Variants in TLN2 observed in about 807,000 individuals in gnomAD.
TLN2 encodes talin-2.
A neutral mutation model predicts 294.7 loss-of-function variants in TLN2; 118 were observed. The ratio of observed to expected loss-of-function variants is 0.40; its 90% CI spans 0.34 to 0.47. TLN2 has a LOEUF of 0.47. Among genes scored for constraint, TLN2 ranks in the 20% least tolerant of loss-of-function variants. The pLI, the probability that TLN2 is intolerant of heterozygous loss-of-function variation, is 0.84. For missense variants in TLN2, 3,083 were observed against 3,282.2 expected, an observed-to-expected ratio of 0.94 and a Z score of 1.48; for synonymous variants, 1,431 against 1,304.5, an observed-to-expected ratio of 1.10 and a Z score of -2.09.
chr15:62,550,134 G>A (rs1411218592), intron 1 of TLN2, among the ~76,000 whole-genome samples: 2 of 152,114 alleles, frequency 1.3e-5, no homozygotes, highest in Middle Eastern at 3.2e-3. Flanking sequence ...GGTCAGAGTG[G>A]TTAAGGAAGG....
chr15:62,405,597 A>G (rs989275639), intron 1 of TLN2, among the ~76,000 whole-genome samples: 11 of 152,148 alleles, frequency 7.2e-5, no homozygotes, highest in Admixed American at 7.2e-4. Context: ...TGAAAGCTGC[A>G]TTTAGTGTGA....
rs114379802 is a variant in TLN2 at position 62,557,438 on chromosome 15, C to T, written c.-237-32249C>T. 9.7e-3 allele frequency among the ~76,000 whole-genome samples: 1,474 copies of T among 152,336 alleles called. 18 individuals are homozygous for T. The highest frequency in any genetic ancestry group is 0.031 in the African/African-American group (1,282 of 41,582). On this transcript the variant is annotated intron_variant, in intron 1 of 58. Transcript: ENST00000636159. ...AGATGTGTGATGTGATAGTGCAGGA[C>T]TCTGGCACTTTTACATGGCAGGGGT...
chr15:62,495,994 T>A (rs1242748591), intron 1 of TLN2, among the ~76,000 whole-genome samples: 1 of 152,194 alleles, frequency 6.6e-6, no homozygotes, highest in African/African-American at 2.4e-5. Context: ...CTGTTTATCT[T>A]CTTTGTGTGC....
intron 1 of TLN2, among the ~76,000 whole-genome samples, chr15:62,456,458 C>T (rs924326198): frequency 2.0e-5 from 3 of 152,140 alleles, no homozygotes; most frequent in African/African-American, 7.2e-5. Flanking sequence ...CCTGGGTGTG[C>T]GTCTTGTGCA....
chr15:62,770,281 A>G (rs2063273907), intron 41 of TLN2, among the ~76,000 whole-genome samples: 1 of 152,232 alleles, frequency 6.6e-6, no homozygotes, highest in Non-Finnish European at 1.5e-5. Context: ...CGCCCGCTAG[A>G]TGTTTGCAAC....
chr15:62,491,355 C>T (rs1420674288), intron 1 of TLN2, among the ~76,000 whole-genome samples: 8,834 of 72,926 alleles, frequency 0.12, 322 homozygotes, highest in Non-Finnish European at 0.15. Context: ...TATATATACA[C>T]ACACACACAC....
At chr15:62,770,674 T>C (rs963928044) in intron 41 of TLN2, among the ~76,000 whole-genome samples, 1 of 152,226 alleles carries the variant, frequency 6.6e-6, no homozygotes, top group Non-Finnish European at 1.5e-5. Context: ...TTTATAGAAA[T>C]TGACAGTTTG....
intron 1 of TLN2, among the ~76,000 whole-genome samples, chr15:62,558,736 A>G (rs1012280250): frequency 2.0e-5 from 3 of 152,068 alleles, no homozygotes; most frequent in African/African-American, 4.8e-5. Context: ...TTGAGCCTCT[A>G]TGGGCAGCAG....
intron 21 of TLN2, among the ~76,000 whole-genome samples, chr15:62,709,143 A>C (rs922170134): frequency 6.6e-6 from 1 of 152,192 alleles, no homozygotes; most frequent in Non-Finnish European, 1.5e-5. Context: ...GAATTTAAGA[A>C]GTTTATTATA....
intron 1 of TLN2, among the ~76,000 whole-genome samples, chr15:62,445,108 G>C (rs1175659804): frequency 6.6e-6 from 1 of 152,162 alleles, no homozygotes; most frequent in African/African-American, 2.4e-5. Flanking sequence ...GGGTCAGGGA[G>C]GCCTTACTGG....
At chr15:62,726,323 G>A (rs373060213) in intron 27 of TLN2, among the ~76,000 whole-genome samples, 1 of 152,160 alleles carries the variant, frequency 6.6e-6, no homozygotes, top group East Asian at 1.9e-4. Context: ...AAAACATGTT[G>A]CAAGGTTTAA....
Position 62,819,540 on chromosome 15 carries a change from T to G in TLN2, c.6796T>G (p.Phe2266Val), listed in dbSNP as rs3816988. Reference protein sequence around the residue: ...LVILQKPTPEFKQQLAAFSKR... With the variant: ...LVILQKPTPEVKQQLAAFSKR... ...GATTCTTCAGAAACCAACCCCAGAA[T>G]TCAAGCAGCAGCTGGCCGCTTTCTC... Residue 2266 changes from phenylalanine to valine, a missense_variant, in exon 53 of 59, where the codon TTC becomes GTC. By Grantham distance (50) the Phe-to-Val change is conservative. Coordinates refer to ENST00000636159, the MANE Select transcript of TLN2 (RefSeq NM_015059.3). 41 of 1,613,982 alleles carry G rather than the reference T, an allele frequency of 2.5e-5. No homozygotes were observed. The highest frequency in any genetic ancestry group is 1.6e-4 in the East Asian group (7 of 44,868).
At chr15:62,508,255 C>T (rs183829240) in intron 1 of TLN2, among the ~76,000 whole-genome samples, 77 of 152,210 alleles carry the variant, frequency 5.1e-4, no homozygotes, top group Admixed American at 1.9e-3. Context: ...TCTCTCTTGT[C>T]ACCCAGGCTG....
chr15:62,640,321 G>A, intron 3 of TLN2: 2 of 456,106 alleles, frequency 4.4e-6, no homozygotes, highest in Non-Finnish European at 8.8e-6. Context: ...CCAAAATTGG[G>A]CACAGAGGCC....
intron 2 of TLN2, among the ~76,000 whole-genome samples, chr15:62,603,384 C>G (rs1032224842): frequency 3.3e-5 from 5 of 152,102 alleles, no homozygotes; most frequent in East Asian, 1.9e-4. Context: ...GCACGTTTCT[C>G]TGCTCTGCTT....
chr15:62,464,097 C>T (rs916992079), intron 1 of TLN2, among the ~76,000 whole-genome samples: 20 of 152,168 alleles, frequency 1.3e-4, no homozygotes, highest in Non-Finnish European at 2.9e-4. Flanking sequence ...GATTATAAAT[C>T]ATGCTACTAT....
At chr15:62,399,515 T>A (rs1478231393) in intron 1 of TLN2, among the ~76,000 whole-genome samples, 2 of 151,996 alleles carry the variant, frequency 1.3e-5, no homozygotes, top group African/African-American at 4.8e-5. Context: ...CTGCAGACAC[T>A]CAACACTAGC....
chr15:62,776,694 A>T, intron 42 of TLN2, 70 bp from the exon 43 acceptor site: 1 of 1,314,616 alleles, frequency 7.6e-7, no homozygotes, highest in Non-Finnish European at 9.8e-7. Flanking sequence ...TCTACTTTTG[A>T]AGGTTATTCT....
At chr15:62,421,476 G>A (rs774556759) in intron 1 of TLN2, among the ~76,000 whole-genome samples, 1 of 152,110 alleles carries the variant, frequency 6.6e-6, no homozygotes, top group African/African-American at 2.4e-5. Context: ...AGTGTTGTTC[G>A]TGGAATACTA....
Sources: gnomAD v4.1 joint callset for allele counts (sites outside exome capture counted in the v4.1 genomes callset) on GRCh38, gnomAD v4.1.1 for gene constraint, MANE v1.5 for transcripts, NCBI Gene and HGNC (gene_info 2026-07-23, HGNC 2026-07-21) for gene names.